The following SETD4 variants were observed in gnomAD, a reference collection of about 807,000 sequenced individuals.
SETD4 encodes the protein SET domain containing 4, also known as SET domain-containing protein 4.
Under a neutral mutation model 58.3 loss-of-function variants are expected in SETD4, and 46 were observed. The ratio of observed to expected loss-of-function variants is 0.79; its 90% confidence interval spans 0.62 to 1.01. The LOEUF (loss-of-function observed/expected upper bound fraction) is 1.01. SETD4 is among the 50% of genes least tolerant of loss of function. SETD4 has a pLI of 0.00. For missense variants in SETD4, 490 were observed against 523.3 expected, an observed-to-expected ratio of 0.94 and a Z score of 0.62; for synonymous variants, 190 against 202.6, an observed-to-expected ratio of 0.94 and a Z score of 0.53.
intron 5 of SETD4, among the ~76,000 whole-genome samples, chr21:36,046,808 C>T (rs775758491): frequency 6.6e-6 from 1 of 152,210 alleles, no homozygotes; most frequent in Non-Finnish European, 1.5e-5. Flanking sequence ...ATCCAGATTC[C>T]TATACTGCCA....
chr21:36,057,107 A>C lies in SETD4; in HGVS notation c.169+2T>G, dbSNP rs781537505. On this transcript the variant is annotated splice_donor_variant, in intron 3 of 11. Coordinates refer to ENST00000332131, the MANE Select transcript of SETD4 (RefSeq NM_017438.5). LOFTEE classifies it high-confidence loss of function. Reference sequence around the variant, plus strand: ...GCAGGACAGCTGAAGGCTAGATCTTACCTGGAAAACAAGCAGGCGCTAAGT... The same window carrying C: ...GCAGGACAGCTGAAGGCTAGATCTTCCCTGGAAAACAAGCAGGCGCTAAGT... The C allele has an allele frequency of 4.3e-6, 7 of 1,613,626 alleles. No homozygotes were observed. In the East Asian group the frequency reaches 1.3e-4, roughly 31 times the overall value.
At chr21:36,055,485 G>C (rs1394532279) in intron 3 of SETD4, among the ~76,000 whole-genome samples, 3 of 152,102 alleles carry the variant, frequency 2.0e-5, no homozygotes, top group Admixed American at 2.0e-4. Context: ...GAAATGCTGC[G>C]GTCAGTTCCC....
At chr21:36,057,069 C>A (rs766735845) in intron 3 of SETD4, 40 bp downstream of exon 3, 1 of 1,539,850 alleles carries the variant, frequency 6.5e-7, no homozygotes, top group Non-Finnish European at 9.0e-7. Context: ...ACCTGGCTCT[C>A]GTGTGGGAAA....
chr21:36,048,465 A>G (rs972027442), intron 4 of SETD4, 69 bp from the exon 5 acceptor site: 2 of 1,402,504 alleles, frequency 1.4e-6, no homozygotes, highest in Non-Finnish European at 2.0e-6. Flanking sequence ...TGAGTCTTAC[A>G]AAGTCGTTGA....
chr21:36,057,122 A>C lies in SETD4; in HGVS notation c.156T>G (p.Pro52=), dbSNP rs770022145. ...GCTAGATCTTACCTGGAAAACAAGCAGGCGCTAAGTTTGAATCTTGAAACT... is the reference window on the plus strand; with the variant it reads ...GCTAGATCTTACCTGGAAAACAAGCCGGCGCTAAGTTTGAATCTTGAAACT... ...ARKFQDSNLA[P]ACFPGTGRGL... Residue 52 remains proline, a synonymous_variant, in exon 3 of 12, where the codon CCT becomes CCG. Coordinates refer to ENST00000332131, the MANE Select transcript of SETD4 (RefSeq NM_017438.5). 1 of 1,614,072 alleles carries C rather than the reference A, an allele frequency of 6.2e-7. No individual in the cohort carries two copies. The highest frequency in any genetic ancestry group is 8.5e-7 in the Non-Finnish European group (1 of 1,179,900).
intron 7 of SETD4, 115 bp from the exon 8 acceptor site, chr21:36,042,003 G>A (rs2064088409): frequency 1.8e-6 from 1 of 565,398 alleles, no homozygotes; most frequent in Non-Finnish European, 3.1e-6. Context: ...TGCATAAACA[G>A]TTCCACCTAA....
Position 36,035,833 on chromosome 21 carries a change from GCTTGTC to G in SETD4, c.*154_*159del, listed in dbSNP as rs1455535414. On this transcript the variant is annotated 3_prime_UTR_variant, in exon 12 of 12. Transcript: ENST00000332131. Reference sequence around the variant, plus strand: ...GAGCATTAGACCTGCCATCCAGACAGCTTGTCCACCTTCACTCACAGCCTCACAATC... The same window carrying G: ...GAGCATTAGACCTGCCATCCAGACAGCACCTTCACTCACAGCCTCACAATC... 2 of 436,358 alleles carry G rather than the reference GCTTGTC, an allele frequency of 4.6e-6. No individual in the cohort carries two copies. Among genetic ancestry groups the G allele is most frequent in the Non-Finnish European group, 8.3e-6 (2 of 241,728 alleles). 27.0% of individuals were successfully genotyped at this position (436,358 alleles called of 1,614,324 possible).
chr21:36,056,997 T>A (rs988159244), intron 3 of SETD4, 112 bp downstream of exon 3: 6 of 830,738 alleles, frequency 7.2e-6, no homozygotes, highest in Admixed American at 5.6e-5. Flanking sequence ...GGGGAACACA[T>A]GCAAACCAGC....
chr21:36,037,800 A>G (rs1287100917), intron 10 of SETD4, among the ~76,000 whole-genome samples: 3 of 151,752 alleles, frequency 2.0e-5, no homozygotes, highest in Admixed American at 2.0e-4. Flanking sequence ...GTTCAAGACC[A>G]CCCTGGCCAA....
Position 36,034,768 on chromosome 21 carries a change from T to A in SETD4, c.*1225A>T, listed in dbSNP as rs1188180165. The A allele has an allele frequency of 6.6e-6, 1 of 152,082 alleles. No homozygotes were observed. Among genetic ancestry groups the A allele is most frequent in the Non-Finnish European group, 1.5e-5 (1 of 68,030 alleles). The allele number at this position is 152,082 out of a possible 1,614,324, so 9.4% of individuals were successfully genotyped here. On this transcript the variant is annotated 3_prime_UTR_variant, in exon 12 of 12. Coordinates refer to ENST00000332131, the MANE Select transcript of SETD4 (RefSeq NM_017438.5). ...GGCCGCTCTGCAGAATCGCTGGGACTAAGACCACAGGTCCAGAAAGCTTCA... is the reference window on the plus strand; with the variant it reads ...GGCCGCTCTGCAGAATCGCTGGGACAAAGACCACAGGTCCAGAAAGCTTCA...
intron 1 of SETD4, 26 bp from the exon 2 acceptor site, chr21:36,058,950 G>A (rs570236382): frequency 1.3e-6 from 2 of 1,515,130 alleles, no homozygotes; most frequent in Admixed American, 2.3e-5. Flanking sequence ...GGACAAAACT[G>A]TAATTTCTGT....
intron 5 of SETD4, 82 bp from the exon 6 acceptor site, chr21:36,046,093 A>C (rs1434291852): frequency 1.4e-6 from 2 of 1,453,112 alleles, no homozygotes; most frequent in Non-Finnish European, 1.9e-6. Context: ...TTGCTGCCAG[A>C]AGGAGTGTGT....
At chr21:36,041,731 A>G in intron 8 of SETD4, 76 bp downstream of exon 8, 2 of 1,016,892 alleles carry the variant, frequency 2.0e-6, no homozygotes, top group Non-Finnish European at 2.9e-6. Context: ...TCTCACCCCC[A>G]TGGAAAATTT....
At chr21:36,039,209 C>G (rs1193994250) in intron 9 of SETD4, among the ~76,000 whole-genome samples, 1 of 152,140 alleles carries the variant, frequency 6.6e-6, no homozygotes. Flanking sequence ...TTCACAGTTA[C>G]CTAGCAAAGA....
chr21:36,059,033 G>C, intron 1 of SETD4, 109 bp from the exon 2 acceptor site: 1 of 1,229,692 alleles, frequency 8.1e-7, no homozygotes, highest in Non-Finnish European at 1.1e-6. Context: ...ACTGTTCTTT[G>C]TACCTTTAAG....
chr21:36,059,053 G>A (rs1206349528), intron 1 of SETD4, 129 bp from the exon 2 acceptor site: 2 of 1,101,720 alleles, frequency 1.8e-6, no homozygotes, highest in Non-Finnish European at 2.4e-6. Flanking sequence ...GTATACAAAT[G>A]TATGTTTTGG....
rs747473901 is a variant in SETD4 at position 36,043,838 on chromosome 21, AG to A, written c.844del (p.Leu282TrpfsTer40). The A allele has an allele frequency of 2.3e-5, 37 of 1,614,130 alleles. No homozygotes were observed. In the South Asian group the frequency reaches 3.6e-4, roughly 16 times the overall value. ...YGPHDNQRLF[L>X]EYGFVSVHNP... ...ATGGACAGAAACAAATCCGTATTCC[AG>A]GAACAGCCGTTGATTATCGTGAGGG... is the stretch of plus-strand genomic sequence containing the variant. On this transcript the variant is annotated frameshift_variant, in exon 7 of 12. Transcript: ENST00000332131. LOFTEE classifies it high-confidence loss of function.
intron 8 of SETD4, among the ~76,000 whole-genome samples, chr21:36,041,021 G>A (rs546895589): frequency 1.3e-5 from 2 of 152,070 alleles, no homozygotes; most frequent in East Asian, 3.9e-4. Context: ...TTAGCTGGGC[G>A]TGGTCGCAGG....
rs2064420968 is a variant in SETD4 at position 36,047,944 on chromosome 21, T to A, written c.296+364A>T. Among the ~76,000 whole-genome samples the A allele has an allele frequency of 2.6e-5, 4 of 151,318 alleles. No individual in the cohort carries two copies. The South Asian group carries it at 8.3e-4, about 32-fold the overall frequency. On this transcript the variant is annotated intron_variant, in intron 5 of 11. Transcript: ENST00000332131. ...TCACTTGAACCTGGGAGGCAGTGGT[T>A]GCAATAAGCCAAGATCACGACATTG...
Sources: allele counts gnomAD v4.1 joint callset (sites outside exome capture counted in the v4.1 genomes callset), GRCh38; gene constraint gnomAD v4.1.1; transcripts MANE v1.5; gene names NCBI Gene and HGNC (gene_info 2026-07-23, HGNC 2026-07-21).